STOML3: variants seen among roughly 807,000 people sequenced by gnomAD.
STOML3 encodes stomatin like 3.
A neutral mutation model predicts 29.5 loss-of-function variants in STOML3; 31 were observed. The observed-to-expected ratio is 1.05, with a 90% CI of 0.79 to 1.42. STOML3 has a LOEUF of 1.42. STOML3 is among the 40% of genes most tolerant of loss of function. The pLI is 0.00. For synonymous variants in STOML3, 122 were observed against 139.8 expected, an observed-to-expected ratio of 0.87 and a Z score of 0.90; for missense variants, 380 against 363.0, an observed-to-expected ratio of 1.05 and a Z score of -0.38.
chr13:38,971,176 G>A (rs921869512), intron 4 of STOML3, among the ~76,000 whole-genome samples: 2 of 152,138 alleles, frequency 1.3e-5, no homozygotes, highest in Non-Finnish European at 2.9e-5. Flanking sequence ...GGGATTACAG[G>A]TGCATGCCAC....
At chr13:38,983,543 C>T (rs1881338729) in intron 1 of STOML3, among the ~76,000 whole-genome samples, 1 of 152,122 alleles carries the variant, frequency 6.6e-6, no homozygotes, top group South Asian at 2.1e-4. Flanking sequence ...GTAATAAAAG[C>T]TCTAGACCCT....
chr13:38,970,176 T>C lies in STOML3; in HGVS notation c.516+9A>G. On this transcript the variant is annotated intron_variant, in intron 5 of 6. Transcript: ENST00000379631. The stretch of plus-strand genomic sequence containing the variant: ...AAAGATACAGGCTATTAGTTCATGG[T>C]GTCTTTACCTGGATGCTATGGGCGA... 6.2e-7 allele frequency: 1 copy of C among 1,606,870 alleles called. No individual in the cohort carries two copies. The highest frequency in any genetic ancestry group is 1.7e-5 in the Admixed American group (1 of 59,696).
intron 1 of STOML3, among the ~76,000 whole-genome samples, chr13:38,989,766 C>T (rs367646330): frequency 2.6e-5 from 4 of 152,200 alleles, no homozygotes; most frequent in South Asian, 2.1e-4. Context: ...CAAAGTGCTG[C>T]GATTACAGGG....
At position 38,968,435 on chromosome 13, in the gene STOML3, C is replaced by G. The variant is rs1880739290; in HGVS notation, c.616G>C (p.Ala206Pro). 3.1e-6 allele frequency: 5 copies of G among 1,614,050 alleles called. No homozygotes were observed. The Admixed American group carries it at 8.3e-5, about 27-fold the overall frequency. The change falls in exon 6 of 7, where the codon GCC (alanine) becomes CCC (proline). Residue 206 changes from alanine (A) to proline (P), a missense_variant. Physicochemically the swap from Ala to Pro is conservative, Grantham distance 27. Coordinates refer to ENST00000379631, the MANE Select transcript of STOML3 (RefSeq NM_145286.3). ...GCTTCCCGGGTGGCCTCAGCCTCGG[C>G]TGCCATGGATCTCTGCAACTGCACG... ...IPVQLQRSMAAEAEATREARA... is the reference protein window; with the variant it reads ...IPVQLQRSMAPEAEATREARA...
At chr13:38,990,152 A>G (rs528179337) in intron 1 of STOML3, among the ~76,000 whole-genome samples, 2 of 152,122 alleles carry the variant, frequency 1.3e-5, no homozygotes, top group Non-Finnish European at 2.9e-5. Flanking sequence ...TTTTTTCTCA[A>G]CTTCTCTCCA....
intron 5 of STOML3, among the ~76,000 whole-genome samples, chr13:38,969,203 T>C (rs77441069): frequency 0.043 from 6,529 of 152,348 alleles, 209 homozygotes; most frequent in Non-Finnish European, 0.069. Flanking sequence ...AAGTCAAAGA[T>C]ACTCTTGTCT....
At chr13:38,971,283 T>A (rs1398848783) in intron 4 of STOML3, among the ~76,000 whole-genome samples, 1 of 152,182 alleles carries the variant, frequency 6.6e-6, no homozygotes, top group Non-Finnish European at 1.5e-5. Context: ...TCCTCCTGCC[T>A]CAGCCTCTCA....
chr13:38,972,746 C>A, intron 3 of STOML3, 152 bp from the exon 4 acceptor site: 1 of 648,138 alleles, frequency 1.5e-6, no homozygotes, highest in Non-Finnish European at 2.6e-6. Flanking sequence ...AAAATGATTT[C>A]ATCCTCTAGG....
chr13:38,972,277 C>T (rs932789648), intron 4 of STOML3, among the ~76,000 whole-genome samples: 1 of 152,178 alleles, frequency 6.6e-6, no homozygotes, highest in Non-Finnish European at 1.5e-5. Flanking sequence ...TCACACCAGG[C>T]CATTCTAAGT....
chr13:38,976,530 T>C lies in STOML3; in HGVS notation c.229+10A>G. The C allele has an allele frequency of 3.1e-6, 5 of 1,614,160 alleles. No homozygotes were observed. Among genetic ancestry groups the C allele is most frequent in the Non-Finnish European group, 4.2e-6 (5 of 1,180,018 alleles). On this transcript the variant is annotated intron_variant, in intron 3 of 6. Coordinates refer to ENST00000379631, the MANE Select transcript of STOML3 (RefSeq NM_145286.3). Reference sequence around the variant, plus strand: ...TGATCTTTCAGGGGCAGCCACCGCGTCATTCATACCTGGCCCCTTGGCTTT... The same window carrying C: ...TGATCTTTCAGGGGCAGCCACCGCGCCATTCATACCTGGCCCCTTGGCTTT...
In STOML3 at chr13:38,966,968, G is replaced by C; in HGVS notation, c.733C>G (p.Leu245Val). Residue 245 changes from leucine to valine, a missense_variant, in exon 7 of 7, where the codon CTC becomes GTC. Leu to Val is a conservative substitution (Grantham distance 32). Coordinates refer to ENST00000379631, the MANE Select transcript of STOML3 (RefSeq NM_145286.3). ...AAGGTCTGCAGGTAGCGCAGCTGGA[G>C]AGCTATGGGAGACTCAGCCAGCACC... Reference protein sequence around the residue: ...SMVLAESPIALQLRYLQTLST... With the variant: ...SMVLAESPIAVQLRYLQTLST... The C allele has an allele frequency of 6.2e-7, 1 of 1,613,998 alleles. No individual in the cohort carries two copies. The highest frequency in any genetic ancestry group is 8.5e-7 in the Non-Finnish European group (1 of 1,180,004).
intron 3 of STOML3, among the ~76,000 whole-genome samples, chr13:38,974,922 G>A (rs781523338): frequency 6.6e-6 from 1 of 152,100 alleles, no homozygotes; most frequent in Non-Finnish European, 1.5e-5. Flanking sequence ...TTAATCCTGG[G>A]CTGTTATACC....
chr13:38,980,952 TC>T (rs1881249154), intron 1 of STOML3, among the ~76,000 whole-genome samples: 1 of 152,226 alleles, frequency 6.6e-6, no homozygotes, highest in East Asian at 1.9e-4. Flanking sequence ...TGTGGAGACT[TC>T]CCCCTGTGTG....
At chr13:38,976,285 T>C (rs1881070478) in intron 3 of STOML3, among the ~76,000 whole-genome samples, 1 of 152,194 alleles carries the variant, frequency 6.6e-6, no homozygotes, top group East Asian at 1.9e-4. Flanking sequence ...AGCCACCCTT[T>C]GCTCACATTC....
Position 38,966,995 on chromosome 13 carries a change from T to C in STOML3, c.706A>G (p.Met236Val), listed in dbSNP as rs776999336. The change falls in exon 7 of 7, where the codon ATG (methionine) becomes GTG (valine). Residue 236 changes from methionine (M) to valine (V), a missense_variant. Coordinates refer to ENST00000379631, the MANE Select transcript of STOML3 (RefSeq NM_145286.3). ...GCTATGGGAGACTCAGCCAGCACCA[T>C]GGAGGCTGACTTCAGGGATTTGGAA... ...NASKSLKSASMVLAESPIALQ... is the reference protein window; with the variant it reads ...NASKSLKSASVVLAESPIALQ... 13 of 1,614,016 alleles carry C rather than the reference T, an allele frequency of 8.1e-6. No homozygotes were observed. Among genetic ancestry groups the C allele is most frequent in the South Asian group, 5.5e-5 (5 of 91,080 alleles).
chr13:38,980,528 A>G (rs1321337514), intron 1 of STOML3, among the ~76,000 whole-genome samples: 1 of 151,720 alleles, frequency 6.6e-6, no homozygotes, highest in Non-Finnish European at 1.5e-5. Context: ...CAAGGCTCTG[A>G]GGGGATGATG....
chr13:38,975,532 A>T (rs1263848880), intron 3 of STOML3, among the ~76,000 whole-genome samples: 4 of 152,158 alleles, frequency 2.6e-5, no homozygotes, highest in African/African-American at 9.7e-5. Flanking sequence ...CAAATAAGCC[A>T]TAATGGGGGC....
At chr13:38,989,740 G>T (rs1166917262) in intron 1 of STOML3, among the ~76,000 whole-genome samples, 4 of 152,118 alleles carry the variant, frequency 2.6e-5, no homozygotes, top group Non-Finnish European at 1.5e-5. Context: ...CAAGTGATCT[G>T]CCTGCCTTGG....
rs541787545 is a variant in STOML3, at chr13:38,984,542, A to G, written c.52+6128T>C. On this transcript the variant is annotated intron_variant, in intron 1 of 6. Transcript: ENST00000379631. ...GTACCTTTTCTATGTTTAGATATAC[A>G]AATACTTACCATAGTGTTACAACTG... Among the ~76,000 whole-genome samples, 4 of 152,326 alleles carry G rather than the reference A, an allele frequency of 2.6e-5. No homozygotes were observed. The East Asian group carries it at 7.7e-4, about 29-fold the overall frequency.
Sources: allele counts gnomAD v4.1 joint callset (sites outside exome capture counted in the v4.1 genomes callset), GRCh38; gene constraint gnomAD v4.1.1; transcripts MANE v1.5; gene names NCBI Gene and HGNC (gene_info 2026-07-23, HGNC 2026-07-21).